Variants in CNBD1 observed in about 807,000 individuals in gnomAD.
CNBD1 encodes the protein cyclic nucleotide binding domain containing 1, also known as cyclic nucleotide-binding domain-containing protein 1.
A neutral mutation model predicts 54.4 loss-of-function variants in CNBD1; 71 were observed. The observed-to-expected ratio is 1.30, with a 90% confidence interval of 1.08 to 1.59. CNBD1 has a LOEUF of 1.59. Among genes scored for constraint, CNBD1 ranks in the 40% most tolerant of loss-of-function variants. The pLI is 0.00. For missense variants in CNBD1, 659 were observed against 518.0 expected, an observed-to-expected ratio of 1.27 and a Z score of -2.64; for synonymous variants, 182 against 170.7, an observed-to-expected ratio of 1.07 and a Z score of -0.51.
chr8:86,866,611 A>G (rs1808368376), intron 1 of CNBD1, 28 bp downstream of exon 1: 1 of 1,525,652 alleles, frequency 6.6e-7, no homozygotes, highest in Admixed American at 1.8e-5. Flanking sequence ...TGATGCTCTT[A>G]TTCACCTACC....
At chr8:87,021,260 A>C (rs1006062013) in intron 4 of CNBD1, among the ~76,000 whole-genome samples, 1 of 151,926 alleles carries the variant, frequency 6.6e-6, no homozygotes, top group African/African-American at 2.4e-5. Context: ...CACTCTTTTC[A>C]TCAATAATGT....
At chr8:87,367,171 C>T (rs1234212742) in intron 10 of CNBD1, among the ~76,000 whole-genome samples, 6 of 152,086 alleles carry the variant, frequency 3.9e-5, no homozygotes, top group Non-Finnish European at 7.4e-5. Context: ...CTCCTATATT[C>T]TTTGTCCTGA....
chr8:87,269,009 C>T (rs1563531476), intron 6 of CNBD1, among the ~76,000 whole-genome samples: 1 of 151,976 alleles, frequency 6.6e-6, no homozygotes, highest in African/African-American at 2.4e-5. Flanking sequence ...GGCTGATATC[C>T]AGAATGATAT....
chr8:87,150,088 AATGGC>A (rs1443655676), intron 4 of CNBD1, among the ~76,000 whole-genome samples: 59 of 152,034 alleles, frequency 3.9e-4, no homozygotes, highest in Non-Finnish European at 1.8e-4. Context: ...GAGGCAGGAG[AATGGC>A]GTGAACCCGG....
At chr8:87,364,026 T>A (rs1323021150) in intron 10 of CNBD1, among the ~76,000 whole-genome samples, 1 of 151,640 alleles carries the variant, frequency 6.6e-6, no homozygotes, top group Non-Finnish European at 1.5e-5. Flanking sequence ...AACCATTTGC[T>A]GGCTCAAATG....
chr8:87,192,210 G>A (rs1486796858), intron 4 of CNBD1, among the ~76,000 whole-genome samples: 3 of 151,996 alleles, frequency 2.0e-5, no homozygotes, highest in African/African-American at 7.2e-5. Flanking sequence ...TTCTAGATTT[G>A]ATGATGTTTT....
rs1437791927 is a variant in CNBD1, at chr8:87,423,836, A to G, written c.214-4710A>G. Among the ~76,000 whole-genome samples, 20 of 152,192 alleles carry G rather than the reference A, an allele frequency of 1.3e-4. 1 individual carries two copies. Among genetic ancestry groups the G allele is most frequent in the African/African-American group, 3.4e-4 (14 of 41,514 alleles). On this transcript the variant is annotated intron_variant, in intron 2 of 7. Transcript: ENST00000521593. ...CCCTCTTTTTCTATTGATTGGAATAATTTCAGAAGGAATGGTACCAGTTCC... is the reference window on the plus strand; with the variant it reads ...CCCTCTTTTTCTATTGATTGGAATAGTTTCAGAAGGAATGGTACCAGTTCC...
chr8:87,101,980 C>T (rs1344759421), intron 4 of CNBD1, among the ~76,000 whole-genome samples: 2 of 151,618 alleles, frequency 1.3e-5, no homozygotes, highest in South Asian at 4.2e-4. Flanking sequence ...CCTCCACCTC[C>T]CGGGTTCAAG....
At chr8:87,199,368 G>A (rs1051310487) in intron 4 of CNBD1, among the ~76,000 whole-genome samples, 11 of 152,226 alleles carry the variant, frequency 7.2e-5, no homozygotes, top group African/African-American at 2.2e-4. Context: ...CAGTAAGCTC[G>A]AAGATACATC....
intron 2 of CNBD1, among the ~76,000 whole-genome samples, chr8:87,397,854 A>G (rs985734104): frequency 2.0e-5 from 3 of 151,992 alleles, no homozygotes; most frequent in Non-Finnish European, 2.9e-5. Context: ...TTCTCATGAT[A>G]GTGAATGGGT....
At chr8:86,889,633 GA>G (rs1808735551) in intron 2 of CNBD1, among the ~76,000 whole-genome samples, 3 of 151,986 alleles carry the variant, frequency 2.0e-5, no homozygotes, top group African/African-American at 7.2e-5. Context: ...ATTATCCTGG[GA>G]TTTTTTATTG....
At chr8:87,044,997 C>A (rs1332628263) in intron 4 of CNBD1, among the ~76,000 whole-genome samples, 2 of 152,094 alleles carry the variant, frequency 1.3e-5, no homozygotes, top group Admixed American at 6.6e-5. Flanking sequence ...TCCCTCATTA[C>A]CCCCCACTTC....
At chr8:87,096,343 C>CTTTTTTT (rs764461082) in intron 4 of CNBD1, among the ~76,000 whole-genome samples, 1 of 117,170 alleles carries the variant, frequency 8.5e-6, no homozygotes, top group Non-Finnish European at 1.8e-5. Flanking sequence ...TCTCTGGTGT[C>CTTTTTTT]TTTTTTTTTT....
intron 4 of CNBD1, among the ~76,000 whole-genome samples, chr8:87,105,236 T>G (rs575351690): frequency 6.6e-6 from 1 of 152,324 alleles, no homozygotes; most frequent in East Asian, 1.9e-4. Flanking sequence ...TGAAAGTAAT[T>G]AATACACTTC....
rs1586139773 is a variant in CNBD1, at chr8:86,927,220, T to C, written c.273-12376T>C. Among the ~76,000 whole-genome samples, 5 of 152,278 alleles carry C rather than the reference T, an allele frequency of 3.3e-5. No homozygotes were observed. In the South Asian group the frequency reaches 1.0e-3, roughly 32 times the overall value. ...TGGGAGCAAACTGAGTGGCTCTGTA[T>C]TCTATTTTCCCATTGGAGAAAAAAC... On this transcript the variant is annotated intron_variant, in intron 3 of 10. Coordinates refer to ENST00000518476, the MANE Select transcript of CNBD1 (RefSeq NM_173538.3).
In CNBD1 at chr8:87,104,103, T is replaced by A. The variant is rs113567908; in HGVS notation, c.432-101890T>A. Among the ~76,000 whole-genome samples the A allele has an allele frequency of 3.2e-3, 488 of 152,130 alleles. 2 individuals carry two copies. Among genetic ancestry groups the A allele is most frequent in the African/African-American group, 0.011 (456 of 41,482 alleles). ...ATGTAACCAAATGAAAAAGACACAG[T>A]GGGAATATGGACTTTGGCAAAGAAT... On this transcript the variant is annotated intron_variant, in intron 4 of 10. Coordinates refer to ENST00000518476, the MANE Select transcript of CNBD1 (RefSeq NM_173538.3).
chr8:86,903,849 G>A (rs16894844), intron 2 of CNBD1, among the ~76,000 whole-genome samples: 13,383 of 135,676 alleles, frequency 0.099, 812 homozygotes, highest in African/African-American at 0.2. Context: ...ATTGTAGAAT[G>A]TGAGTTACAA....
downstream of CNBD1, among the ~76,000 whole-genome samples, chr8:87,385,375 A>C (rs1032095501): frequency 1.1e-4 from 17 of 152,218 alleles, no homozygotes; most frequent in Admixed American, 4.6e-4. Context: ...TAGTCAAAGA[A>C]AGGGGTGACA....
chr8:87,002,333 T>C (rs1356673573), intron 4 of CNBD1, among the ~76,000 whole-genome samples: 1 of 152,170 alleles, frequency 6.6e-6, no homozygotes, highest in Non-Finnish European at 1.5e-5. Flanking sequence ...CTTCGCATAG[T>C]GGCCAGGGTG....
Sources: allele counts gnomAD v4.1 joint callset (sites outside exome capture counted in the v4.1 genomes callset), GRCh38; gene constraint gnomAD v4.1.1; transcripts MANE v1.5; gene names NCBI Gene and HGNC (gene_info 2026-07-23, HGNC 2026-07-21).